The following STARD13 variants were observed in gnomAD, a reference collection of about 807,000 sequenced individuals.
STARD13 encodes the protein StAR related lipid transfer domain containing 13, also known as stAR-related lipid transfer protein 13.
Under a neutral mutation model 106.4 loss-of-function variants are expected in STARD13, and 62 were observed. That is an observed-to-expected ratio of 0.58 (90% CI 0.48 to 0.72). The LOEUF (loss-of-function observed/expected upper bound fraction) is 0.72. Ranked by LOEUF, STARD13 falls within the 30% of genes least tolerant of loss-of-function variation. STARD13 has a pLI of 0.00. For synonymous variants in STARD13, 565 were observed against 553.0 expected (o/e 1.02, Z -0.31); for missense variants, 1,387 against 1,424.0 (o/e 0.97, Z 0.42).
the STARD13 span, among the ~76,000 whole-genome samples, chr13:33,583,435 G>A: frequency 2.6e-5 from 4 of 152,060 alleles, no homozygotes; most frequent in East Asian, 7.7e-4. Context: ...TCAGCCCCTG[G>A]GGACTTCAGC....
chr13:33,125,709 A>G (rs900362348), intron 7 of STARD13, among the ~76,000 whole-genome samples: 2 of 152,218 alleles, frequency 1.3e-5, no homozygotes, highest in African/African-American at 2.4e-5. Flanking sequence ...TTTTTCAAAA[A>G]TAATAGGGAT....
intron 1 of STARD13, among the ~76,000 whole-genome samples, chr13:33,173,156 C>T (rs1884164470): frequency 6.6e-6 from 1 of 152,152 alleles, no homozygotes; most frequent in Non-Finnish European, 1.5e-5. Context: ...TAAAGTATAT[C>T]AAAGGTGTTA....
chr13:33,105,387 T>C lies in STARD13; in HGVS notation c.*206A>G, dbSNP rs972192061. The stretch of plus-strand genomic sequence containing the variant: ...AGTTCTCATTTTAAAATTATATTAG[T>C]AGGGATGTAGCCATCTCCAGGAAGG... On this transcript the variant is annotated 3_prime_UTR_variant, in exon 14 of 14. Transcript: ENST00000336934. 5.6e-6 allele frequency: 3 copies of C among 535,152 alleles called. No homozygotes were observed. In the African/African-American group the frequency reaches 5.6e-5, roughly 10 times the overall value. 33.2% of individuals were successfully genotyped at this position (535,152 alleles called of 1,614,324 possible).
At chr13:33,240,171 C>A (rs552523910) in intron 1 of STARD13, among the ~76,000 whole-genome samples, 5 of 152,144 alleles carry the variant, frequency 3.3e-5, no homozygotes, top group Non-Finnish European at 5.9e-5. Flanking sequence ...TCTTGATGAG[C>A]TCATTGAAGA....
intron 1 of STARD13, among the ~76,000 whole-genome samples, chr13:33,210,566 A>G (rs775289694): frequency 1.3e-5 from 2 of 152,238 alleles, no homozygotes; most frequent in African/African-American, 4.8e-5. Flanking sequence ...TAAGCATTCA[A>G]TACATGCTAT....
intron 3 of STARD13, among the ~76,000 whole-genome samples, chr13:33,159,178 G>A (rs12585799): frequency 0.026 from 3,890 of 152,216 alleles, 90 homozygotes; most frequent in African/African-American, 0.062. Flanking sequence ...GGTATGTATG[G>A]ACGAATCCTG....
intron 1 of STARD13, among the ~76,000 whole-genome samples, chr13:33,251,389 A>G (rs1890088946): frequency 6.6e-6 from 1 of 152,178 alleles, no homozygotes; most frequent in African/African-American, 2.4e-5. Flanking sequence ...CAAGTGAATC[A>G]CTTCATTAAA....
the STARD13 span, among the ~76,000 whole-genome samples, chr13:33,498,647 T>C: frequency 6.6e-6 from 1 of 152,218 alleles, no homozygotes; most frequent in Admixed American, 6.5e-5. Flanking sequence ...GATACAAATA[T>C]TTCTTGTATT....
the STARD13 span, among the ~76,000 whole-genome samples, chr13:33,439,145 C>T: frequency 6.6e-6 from 1 of 152,288 alleles, no homozygotes; most frequent in Non-Finnish European, 1.5e-5. Context: ...AGTACAACAA[C>T]AGCTGCTAAA....
the STARD13 span, among the ~76,000 whole-genome samples, chr13:33,475,915 C>T: frequency 6.6e-6 from 1 of 151,994 alleles, no homozygotes. Context: ...CGAGATGGCG[C>T]CACTGCACTC....
chr13:33,237,812 G>A (rs1195012604), intron 1 of STARD13, among the ~76,000 whole-genome samples: 2 of 152,212 alleles, frequency 1.3e-5, no homozygotes, highest in African/African-American at 2.4e-5. Flanking sequence ...GGGTTGAGAA[G>A]AGTCTTTATG....
At chr13:33,304,733 A>G (rs533959024) in intron 1 of STARD13, among the ~76,000 whole-genome samples, 1 of 152,292 alleles carries the variant, frequency 6.6e-6, no homozygotes, top group Admixed American at 6.5e-5. Context: ...TGCCTTGCCC[A>G]CAAGTGAACC....
the STARD13 span, among the ~76,000 whole-genome samples, chr13:33,631,226 G>A: frequency 6.6e-6 from 1 of 152,188 alleles, no homozygotes; most frequent in African/African-American, 2.4e-5. Context: ...AACACTACAT[G>A]TACTTTTAGT....
chr13:33,495,521 C>T, the STARD13 span, among the ~76,000 whole-genome samples: 1 of 152,118 alleles, frequency 6.6e-6, no homozygotes, highest in Admixed American at 6.6e-5. Flanking sequence ...GGATCACTTA[C>T]TTTCTTATTA....
At chr13:33,544,759 T>C in the STARD13 span, among the ~76,000 whole-genome samples, 1 of 149,572 alleles carries the variant, frequency 6.7e-6, no homozygotes, top group African/African-American at 2.5e-5. Context: ...TGTTTTTTTG[T>C]TGTTTTTTCT....
At chr13:33,446,925 C>A in the STARD13 span, among the ~76,000 whole-genome samples, 73 of 152,254 alleles carry the variant, frequency 4.8e-4, 1 homozygote, top group South Asian at 0.011. Flanking sequence ...TGGCATAGCC[C>A]ACATTTGGGT....
the STARD13 span, among the ~76,000 whole-genome samples, chr13:33,429,916 T>G: frequency 7.1e-6 from 1 of 141,504 alleles, no homozygotes; most frequent in African/African-American, 2.9e-5. Flanking sequence ...AACTTAATTG[T>G]ACTTTTTTTT....
chr13:33,342,544 T>C (rs551209021), intron 1 of STARD13, among the ~76,000 whole-genome samples: 1 of 152,144 alleles, frequency 6.6e-6, no homozygotes, highest in East Asian at 1.9e-4. Context: ...TTTTTTTTTT[T>C]TTAAGACATG....
intron 4 of STARD13, among the ~76,000 whole-genome samples, chr13:33,131,955 G>A (rs1380428345): frequency 2.6e-5 from 4 of 152,336 alleles, no homozygotes; most frequent in Middle Eastern, 3.4e-3. Flanking sequence ...TTGTTCAATT[G>A]CCTACTAATC....
Sources: gnomAD v4.1 joint callset for allele counts (sites outside exome capture counted in the v4.1 genomes callset) on GRCh38, gnomAD v4.1.1 for gene constraint, MANE v1.5 for transcripts, NCBI Gene and HGNC (gene_info 2026-07-23, HGNC 2026-07-21) for gene names.